The following PBRM1 variants were observed in gnomAD, a reference collection of about 807,000 sequenced individuals.
PBRM1 encodes the protein polybromo 1.
In PBRM1, 27 loss-of-function variants were observed where a neutral mutation model predicts 194.5. The ratio of observed to expected loss-of-function variants is 0.14; its 90% CI spans 0.10 to 0.19. PBRM1 has a LOEUF of 0.19. Ranked by LOEUF, PBRM1 falls within the 10% of genes least tolerant of loss-of-function variation. PBRM1 has a pLI of 1.00. For synonymous variants in PBRM1, 655 were observed against 693.2 expected, an observed-to-expected ratio of 0.94 and a Z score of 0.87; for missense variants, 1,466 against 2,077.2, an observed-to-expected ratio of 0.71 and a Z score of 5.72.
chr3:52,642,525 C>A (rs113753107), intron 9 of PBRM1, among the ~76,000 whole-genome samples: 4,205 of 146,598 alleles, frequency 0.029, 206 homozygotes, highest in African/African-American at 0.1. Flanking sequence ...CTGAGGCAGG[C>A]GAATCACTTG....
intron 17 of PBRM1, among the ~76,000 whole-genome samples, chr3:52,593,853 T>C (rs1395974759): frequency 2.0e-5 from 3 of 152,230 alleles, no homozygotes; most frequent in Non-Finnish European, 4.4e-5. Context: ...AATTGTGTGG[T>C]TGATATTAGA....
At chr3:52,547,554 C>T (rs942984413), downstream of PBRM1, 2 of 233,366 alleles carry the variant, frequency 8.6e-6, no homozygotes, top group Non-Finnish European at 1.7e-5. Context: ...GATATTCAGG[C>T]ACATGAAACA....
chr3:52,601,127 A>G (rs780988194), intron 17 of PBRM1, among the ~76,000 whole-genome samples: 1 of 152,160 alleles, frequency 6.6e-6, no homozygotes, highest in African/African-American at 2.4e-5. Context: ...CTCCCTGAAG[A>G]TGTATCTGTG....
At chr3:52,624,419 G>A (rs190217782) in intron 13 of PBRM1, among the ~76,000 whole-genome samples, 1 of 152,294 alleles carries the variant, frequency 6.6e-6, no homozygotes, top group East Asian at 1.9e-4. Context: ...TAAAAGACAT[G>A]AACAAGATCA....
Position 52,609,434 on chromosome 3 carries a change from T to A in PBRM1, c.2446A>T (p.Asn816Tyr), listed in dbSNP as rs994266706. The A allele has an allele frequency of 1.3e-5, 21 of 1,614,092 alleles. No individual in the cohort carries two copies. The highest frequency in any genetic ancestry group is 1.7e-5 in the Non-Finnish European group (20 of 1,179,956). ...ATGTCAAATGTAAGGGGTGGTTTGT[T>A]AGGAAAGTTGGGATCCACAGCAGGA... The change falls in exon 16 of 30, where the codon AAC (asparagine) becomes TAC (tyrosine). Residue 816 changes from asparagine to tyrosine, a missense_variant. Transcript: ENST00000296302. This position sits in a 1 kb window ranked among gnomAD's most constrained non-coding sequence, Gnocchi z 4.1.
chr3:52,662,053 C>A, intron 4 of PBRM1, 80 bp downstream of exon 5: 1 of 1,412,650 alleles, frequency 7.1e-7, no homozygotes, highest in East Asian at 2.4e-5. Flanking sequence ...TTGCCCACAA[C>A]AGCCCAGAGG....
intron 22 of PBRM1, 111 bp downstream of exon 24, chr3:52,576,430 G>T: frequency 3.1e-6 from 2 of 638,668 alleles, no homozygotes; most frequent in Non-Finnish European, 2.5e-6. Flanking sequence ...ACAGAGATTT[G>T]GATTTGGGCA....
At chr3:52,645,225 G>C (rs963431216) in intron 7 of PBRM1, among the ~76,000 whole-genome samples, 5 of 152,056 alleles carry the variant, frequency 3.3e-5, no homozygotes, top group African/African-American at 1.2e-4. Context: ...CACTGTGGCT[G>C]TAACTTTTTG....
chr3:52,600,507 G>C (rs58409398), intron 17 of PBRM1, among the ~76,000 whole-genome samples: 2,153 of 152,178 alleles, frequency 0.014, 19 homozygotes, highest in South Asian at 0.036. Flanking sequence ...TTCAGTTCCA[G>C]AATTTTTTAG....
intron 17 of PBRM1, among the ~76,000 whole-genome samples, chr3:52,595,157 C>A (rs531871233): frequency 3.1e-4 from 47 of 152,030 alleles, no homozygotes; most frequent in Non-Finnish European, 5.4e-4. Flanking sequence ...TCTTTGTGGG[C>A]TAAAGTTCCT....
chr3:52,576,937 T>A (rs1245990270), intron 21 of PBRM1, among the ~76,000 whole-genome samples: 1 of 152,380 alleles, frequency 6.6e-6, no homozygotes, highest in East Asian at 1.9e-4. Flanking sequence ...TTTAACTTAA[T>A]ATCAAGGCAC....
At chr3:52,576,551 T>C (rs2089666304) in exon 22 of PBRM1, 3 of 1,598,110 alleles carry the variant, frequency 1.9e-6, no homozygotes, top group South Asian at 2.3e-5. Context: ...CGAGAATACA[T>C]GTCATGGGGC....
At chr3:52,677,681 A>G (rs2097136217) in intron 2 of PBRM1, among the ~76,000 whole-genome samples, 1 of 151,828 alleles carries the variant, frequency 6.6e-6, no homozygotes, top group Non-Finnish European at 1.5e-5. Flanking sequence ...CCAAAGTGCT[A>G]GGATTACAGG....
At chr3:52,684,053 A>C (rs55662247), upstream of PBRM1, among the ~76,000 whole-genome samples, 4,519 of 151,266 alleles carry the variant, frequency 0.03, 249 homozygotes, top group African/African-American at 0.1. Flanking sequence ...CAGTAATCCC[A>C]GCTACTTGGG....
intron 22 of PBRM1, among the ~76,000 whole-genome samples, chr3:52,575,226 C>CCAACCAAA (rs2089076794): frequency 6.6e-6 from 1 of 151,074 alleles, no homozygotes; most frequent in African/African-American, 2.4e-5. Context: ...TTAAAACAAA[C>CCAACCAAA]CAAACAAACA....
intron 17 of PBRM1, among the ~76,000 whole-genome samples, chr3:52,596,068 G>A (rs1179201232): frequency 1.3e-5 from 2 of 152,070 alleles, no homozygotes; most frequent in Admixed American, 6.6e-5. Flanking sequence ...AATTGAAGTC[G>A]GGTAACGTGA....
At chr3:52,648,835 A>C (rs2096402913) in intron 6 of PBRM1, among the ~76,000 whole-genome samples, 1 of 152,234 alleles carries the variant, frequency 6.6e-6, no homozygotes, top group Non-Finnish European at 1.5e-5. Flanking sequence ...TAGTTACATG[A>C]ACCACTTGGG....
intron 20 of PBRM1, among the ~76,000 whole-genome samples, chr3:52,581,789 C>T (rs1323710357): frequency 6.6e-6 from 1 of 151,864 alleles, no homozygotes; most frequent in African/African-American, 2.4e-5. Context: ...AGGCACGTGC[C>T]ACCACGCCTG....
At chr3:52,548,304 G>A (rs767662145) in intron 29 of PBRM1, 69 bp from the exon 32 acceptor site, 16 of 1,178,436 alleles carry the variant, frequency 1.4e-5, no homozygotes, top group Non-Finnish European at 1.9e-5. Flanking sequence ...CAGTTCTAAG[G>A]TCTGACGAAC....
Sources: allele counts gnomAD v4.1 joint callset (sites outside exome capture counted in the v4.1 genomes callset), GRCh38; gene constraint gnomAD v4.1.1; non-coding constraint Gnocchi (gnomAD v3.1); transcripts MANE v1.5; gene names NCBI Gene and HGNC (gene_info 2026-07-23, HGNC 2026-07-21).